Variants in RBFOX1 observed in about 807,000 individuals in gnomAD.
The protein encoded by RBFOX1 is RNA binding protein fox-1 homolog 1.
A neutral mutation model predicts 57.7 loss-of-function variants in RBFOX1; 8 were observed. The observed-to-expected ratio is 0.14, with a 90% CI of 0.08 to 0.25. RBFOX1 has a LOEUF of 0.25. Among genes scored for constraint, RBFOX1 ranks in the 10% least tolerant of loss-of-function variants. The pLI is 1.00. For missense variants in RBFOX1, 611 were observed against 548.5 expected (o/e 1.11, Z -1.14); for synonymous variants, 326 against 222.4 (o/e 1.47, Z -4.15).
chr16:6,888,896 G>A (rs575124928), intron 3 of RBFOX1, among the ~76,000 whole-genome samples: 1 of 152,126 alleles, frequency 6.6e-6, no homozygotes, highest in South Asian at 2.1e-4. Context: ...AATTATTTTA[G>A]CATCTGAATT....
intron 4 of RBFOX1, among the ~76,000 whole-genome samples, chr16:7,298,294 T>G (rs74565061): frequency 1.2e-3 from 181 of 147,324 alleles, no homozygotes; most frequent in Non-Finnish European, 1.9e-3. Context: ...TGTTTTTTTT[T>G]TTTTTTTTTT....
At chr16:6,552,918 G>C (rs376207041) in intron 2 of RBFOX1, among the ~76,000 whole-genome samples, 27 of 152,096 alleles carry the variant, frequency 1.8e-4, no homozygotes, top group African/African-American at 6.0e-4. Flanking sequence ...AGATTACATA[G>C]ATTTCTGGTA....
At position 6,966,675 on chromosome 16, in the gene RBFOX1, G is replaced by A. The variant is rs550269548; in HGVS notation, c.-15-85382G>A. ...TGCTGTTAGGCATGAGATAGTGCAA[G>A]CTGGGCTGAAGTGAAGCGAAATTGA... On this transcript the variant is annotated intron_variant, in intron 3 of 15. Transcript: ENST00000550418. 7.6e-4 allele frequency among the ~76,000 whole-genome samples: 116 copies of A among 152,296 alleles called. 1 individual carries two copies. Among genetic ancestry groups the A allele is most frequent in the African/African-American group, 2.7e-3 (112 of 41,574 alleles).
chr16:6,028,148 A>G (rs1356484352), intron 1 of RBFOX1, among the ~76,000 whole-genome samples: 2 of 152,156 alleles, frequency 1.3e-5, no homozygotes, highest in African/African-American at 4.8e-5. Context: ...GAAGATGTCC[A>G]TGGCATGGCT....
chr16:6,107,234 C>T (rs924692792), intron 1 of RBFOX1, among the ~76,000 whole-genome samples: 2 of 151,998 alleles, frequency 1.3e-5, no homozygotes, highest in African/African-American at 2.4e-5. Flanking sequence ...GGCCTGGTGA[C>T]CCCCTAGTAC....
Position 7,084,411 on chromosome 16 carries a change from C to T in RBFOX1, c.27+32313C>T, listed in dbSNP as rs181376146. Among the ~76,000 whole-genome samples the T allele has an allele frequency of 5.9e-5, 9 of 152,080 alleles. No homozygotes were observed. In the East Asian group the frequency reaches 1.7e-3, roughly 29 times the overall value. ...ACAAATAATCTTGCTATGTACACCT[C>T]GAAGAGGAAAAAAGAAAATGTGAAT... On this transcript the variant is annotated intron_variant, in intron 4 of 15. Coordinates refer to ENST00000550418, the MANE Select transcript of RBFOX1 (RefSeq NM_018723.4).
At chr16:7,216,296 T>C (rs1368801439) in intron 4 of RBFOX1, among the ~76,000 whole-genome samples, 1 of 151,832 alleles carries the variant, frequency 6.6e-6, no homozygotes, top group Non-Finnish European at 1.5e-5. Context: ...TGAGCAGAAA[T>C]CCAGCTAGTC....
chr16:6,084,611 G>C (rs2096059088), intron 1 of RBFOX1, among the ~76,000 whole-genome samples: 1 of 150,956 alleles, frequency 6.6e-6, no homozygotes, highest in South Asian at 2.1e-4. Context: ...CGGTTTGCTA[G>C]TTTAGAAAGA....
At chr16:7,110,587 G>A (rs534096838) in intron 4 of RBFOX1, among the ~76,000 whole-genome samples, 1 of 152,180 alleles carries the variant, frequency 6.6e-6, no homozygotes, top group South Asian at 2.1e-4. Context: ...GGGATCTCTG[G>A]GCACGAAGAT....
At chr16:6,617,081 G>C (rs979696966) in intron 2 of RBFOX1, among the ~76,000 whole-genome samples, 1 of 151,846 alleles carries the variant, frequency 6.6e-6, no homozygotes, top group Non-Finnish European at 1.5e-5. Context: ...ACTTAAGAAC[G>C]TAGAGGTGCT....
At chr16:6,140,710 C>G (rs1197198991) in intron 1 of RBFOX1, among the ~76,000 whole-genome samples, 2 of 152,178 alleles carry the variant, frequency 1.3e-5, no homozygotes, top group Non-Finnish European at 2.9e-5. Flanking sequence ...AGAGTCAATC[C>G]CATTCCTTCT....
chr16:6,599,827 C>G (rs779538922), intron 2 of RBFOX1, among the ~76,000 whole-genome samples: 1 of 150,796 alleles, frequency 6.6e-6, no homozygotes, highest in Admixed American at 6.5e-5. Flanking sequence ...GAGCACTTAG[C>G]TTAGAGAGCT....
chr16:7,524,819 C>T (rs748763760), intron 5 of RBFOX1, among the ~76,000 whole-genome samples: 11 of 152,216 alleles, frequency 7.2e-5, no homozygotes, highest in Non-Finnish European at 1.2e-4. Context: ...CTGTTCTTAA[C>T]CCTTTCCATG....
intron 2 of RBFOX1, among the ~76,000 whole-genome samples, chr16:5,516,469 T>C (rs146951414): frequency 6.6e-6 from 1 of 152,376 alleles, no homozygotes; most frequent in African/African-American, 2.4e-5. Flanking sequence ...TAAGTCTTGG[T>C]TTCTGTATTG....
At chr16:6,788,996 A>T (rs2154246147) in intron 3 of RBFOX1, among the ~76,000 whole-genome samples, 1 of 152,146 alleles carries the variant, frequency 6.6e-6, no homozygotes, top group South Asian at 2.1e-4. Context: ...ATTCCCTGAA[A>T]AGTCACTTCT....
At chr16:6,126,838 T>C (rs1353292021) in intron 1 of RBFOX1, among the ~76,000 whole-genome samples, 3 of 152,140 alleles carry the variant, frequency 2.0e-5, no homozygotes, top group Non-Finnish European at 2.9e-5. Context: ...TTAAAAACAA[T>C]GGTCCTGCCT....
intron 2 of RBFOX1, among the ~76,000 whole-genome samples, chr16:6,335,776 C>CAAAAAAAAA (rs57151962): frequency 1.8e-4 from 9 of 50,930 alleles, no homozygotes; most frequent in African/African-American, 5.1e-4. Context: ...AGACTGTCTC[C>CAAAAAAAAA]AAAAAAAAAA....
rs1040903448 is a variant in RBFOX1, at chr16:6,971,467, C to G, written c.-15-80590C>G. Among the ~76,000 whole-genome samples, 23 of 151,098 alleles carry G rather than the reference C, an allele frequency of 1.5e-4. 1 individual carries two copies. The highest frequency in any genetic ancestry group is 4.9e-4 in the African/African-American group (20 of 41,158). On this transcript the variant is annotated intron_variant, in intron 3 of 15. Coordinates refer to ENST00000550418, the MANE Select transcript of RBFOX1 (RefSeq NM_018723.4). ...TTGGCAGGGGTCCCGCAGTGCAGAG[C>G]TTTTCAGATTGCAATATGAAGAGAG...
intron 3 of RBFOX1, among the ~76,000 whole-genome samples, chr16:6,955,701 T>G (rs1237744957): frequency 6.6e-6 from 1 of 151,572 alleles, no homozygotes; most frequent in Non-Finnish European, 1.5e-5. Flanking sequence ...ATTTATTTAT[T>G]TATTTATTTA....
Sources: allele counts gnomAD v4.1 joint callset (sites outside exome capture counted in the v4.1 genomes callset), GRCh38; gene constraint gnomAD v4.1.1; transcripts MANE v1.5; gene names NCBI Gene and HGNC (gene_info 2026-07-23, HGNC 2026-07-21).